The following PITRM1 variants were observed in gnomAD, a reference collection of about 807,000 sequenced individuals.
PITRM1 encodes presequence protease, mitochondrial.
Under a neutral mutation model 129.9 loss-of-function variants are expected in PITRM1, and 100 were observed. The ratio of observed to expected loss-of-function variants is 0.77; its 90% CI spans 0.65 to 0.91. PITRM1 has a LOEUF of 0.91. PITRM1 is among the 40% of genes least tolerant of loss of function. PITRM1 has a pLI of 0.00. For missense variants in PITRM1, 1,471 were observed against 1,318.3 expected (o/e 1.12, Z -1.79); for synonymous variants, 591 against 508.8 (o/e 1.16, Z -2.17).
At chr10:3,145,499 TG>T in intron 21 of PITRM1, 96 bp downstream of exon 21, 3 of 1,041,038 alleles carry the variant, frequency 2.9e-6, no homozygotes, top group East Asian at 2.6e-5. Context: ...CCCCACATGC[TG>T]GACTGCTCTG....
intron 21 of PITRM1, chr10:3,145,245 G>T: frequency 4.2e-6 from 1 of 239,392 alleles, no homozygotes; most frequent in Non-Finnish European, 8.1e-6. Flanking sequence ...TCAAATCCAT[G>T]GATTCATGAG....
At chr10:3,152,302 C>A (rs1384075925) in intron 14 of PITRM1, among the ~76,000 whole-genome samples, 2 of 152,108 alleles carry the variant, frequency 1.3e-5, no homozygotes, top group East Asian at 3.9e-4. Flanking sequence ...CTACACCGAG[C>A]CAAGCAAGTA....
rs1478650360 is a variant in PITRM1, at chr10:3,160,267, C to G, written c.855G>C (p.Leu285=). ...TTGGTTCAATTTTCTGGAATTTGCT[C>G]AGTGCTTCCTCGTGAATTTGTTTCA... ...QHLKQIHEEA[L]SKFQKIEPST... Residue 285 remains leucine, a synonymous_variant, in exon 8 of 27, where the codon CTG becomes CTC. Transcript: ENST00000224949. The G allele has an allele frequency of 1.9e-6, 3 of 1,613,738 alleles. No individual in the cohort carries two copies. The highest frequency in any genetic ancestry group is 1.1e-5 in the South Asian group (1 of 91,070).
chr10:3,157,901 T>A, intron 11 of PITRM1, 139 bp downstream of exon 11: 2 of 668,446 alleles, frequency 3.0e-6, no homozygotes, highest in Non-Finnish European at 2.7e-6. Context: ...AGAGATAATA[T>A]TTAAACAACT....
chr10:3,160,305 A>C lies in PITRM1; in HGVS notation c.817T>G (p.Leu273Val). 1 of 1,612,970 alleles carries C rather than the reference A, an allele frequency of 6.2e-7. No homozygotes were observed. The highest frequency in any genetic ancestry group is 1.3e-5 in the African/African-American group (1 of 75,004). ...TGAATTTGTTTCAGATGCTGTTCTA[A>C]TGGAAAATTACCGTACGTGAAGAAC... ...ARFFTYGNFP[L>V]EQHLKQIHEE... The change falls in exon 8 of 27, where the codon TTA becomes GTA. Residue 273 changes from leucine to valine, a missense_variant. Physicochemically the swap from Leu to Val is conservative, Grantham distance 32. Coordinates refer to ENST00000224949, the MANE Select transcript of PITRM1 (RefSeq NM_014889.4).
chr10:3,154,389 G>T (rs1351938608), intron 14 of PITRM1, among the ~76,000 whole-genome samples: 1 of 152,178 alleles, frequency 6.6e-6, no homozygotes, highest in Non-Finnish European at 1.5e-5. Context: ...CCGTTTCCTA[G>T]GTGGCCACAC....
intron 13 of PITRM1, among the ~76,000 whole-genome samples, chr10:3,156,463 C>T (rs892930852): frequency 6.6e-6 from 1 of 152,194 alleles, no homozygotes; most frequent in Non-Finnish European, 1.5e-5. Context: ...AGACAACAGT[C>T]TCTCCCACCA....
Position 3,155,709 on chromosome 10 carries a change from A to C in PITRM1, c.1503T>G (p.Thr501=). ...ACTTGTCATCTGGCCTCATCGATAA[A>C]GTCAGCTTATGCTGGTTATTCTGCA... The part of the protein sequence containing the change: ...QYFKNNQHKL[T]LSMRPDDKYH... Residue 501 remains threonine (T), a synonymous_variant, in exon 14 of 27, where the codon ACT becomes ACG. Coordinates refer to ENST00000224949, the MANE Select transcript of PITRM1 (RefSeq NM_014889.4). 1 of 1,613,918 alleles carries C rather than the reference A, an allele frequency of 6.2e-7. No homozygotes were observed. Among genetic ancestry groups the C allele is most frequent in the Non-Finnish European group, 8.5e-7 (1 of 1,179,878 alleles).
intron 7 of PITRM1, 27 bp from the exon 8 acceptor site, chr10:3,160,357 T>C (rs754707851): frequency 2.5e-6 from 4 of 1,570,212 alleles, no homozygotes; most frequent in South Asian, 1.1e-5. Flanking sequence ...ATATAATTAG[T>C]CTGTTTTAGT....
intron 23 of PITRM1, among the ~76,000 whole-genome samples, chr10:3,142,507 T>A (rs1360498722): frequency 6.6e-6 from 1 of 152,246 alleles, no homozygotes; most frequent in African/African-American, 2.4e-5. Flanking sequence ...CATATCTGTG[T>A]CATACACACC....
chr10:3,166,479 T>G, intron 3 of PITRM1, 99 bp from the exon 4 acceptor site: 1 of 550,392 alleles, frequency 1.8e-6, no homozygotes, highest in Non-Finnish European at 3.1e-6. Flanking sequence ...AAATCATCAT[T>G]CTGACACCAC....
chr10:3,170,247 A>C (rs1306767852), intron 1 of PITRM1, 41 bp from the exon 2 acceptor site: 1 of 1,440,880 alleles, frequency 6.9e-7, no homozygotes, highest in Non-Finnish European at 9.8e-7. Context: ...TTGCAGGAAA[A>C]GTATCTGGCT....
Position 3,171,146 on chromosome 10 carries a change from T to TAAAAAAA in PITRM1, c.57-941_57-940insTTTTTTT, listed in dbSNP as rs1588736135. Among the ~76,000 whole-genome samples, 127 of 36,262 alleles carry TAAAAAAA rather than the reference T, an allele frequency of 3.5e-3. 38 individuals carry two copies. The highest frequency in any genetic ancestry group is 5.9e-3 in the African/African-American group (65 of 10,928). 23.8% of individuals were successfully genotyped at this position (36,262 alleles called of 152,430 possible). Reference sequence around the variant, plus strand: ...GATAAAGTGCGGACTAATCGTTCAATTAAAAAAAAAAAAAAAAAAAAAAAA... The same window carrying TAAAAAAA: ...GATAAAGTGCGGACTAATCGTTCAATAAAAAAATAAAAAAAAAAAAAAAAAAAAAAAA... On this transcript the variant is annotated intron_variant, in intron 1 of 26. Transcript: ENST00000224949.
chr10:3,163,545 T>G, intron 7 of PITRM1, 180 bp downstream of exon 7: 1 of 531,484 alleles, frequency 1.9e-6, no homozygotes, highest in Non-Finnish European at 3.3e-6. Context: ...GGGCTATCAT[T>G]GTAAATGTCC....
chr10:3,137,949 AAGC>A lies in PITRM1; in HGVS notation c.*79_*81del. 5 of 811,294 alleles carry A rather than the reference AAGC, an allele frequency of 6.2e-6. No individual in the cohort carries two copies. The highest frequency in any genetic ancestry group is 1.7e-5 in the African/African-American group (1 of 58,386). 50.3% of individuals were successfully genotyped at this position (811,294 alleles called of 1,614,324 possible). ...CTCAATGACATAATATTCTTGGAAA[AAGC>A]AGTAGCATTTCTGACTTTTCATATT... is the stretch of plus-strand genomic sequence containing the variant. On this transcript the variant is annotated 3_prime_UTR_variant, in exon 27 of 27. Coordinates refer to ENST00000224949, the MANE Select transcript of PITRM1 (RefSeq NM_014889.4).
At chr10:3,172,318 TTAAG>T in intron 1 of PITRM1, 1 of 498,322 alleles carries the variant, frequency 2.0e-6, no homozygotes, top group Non-Finnish European at 3.9e-6. Flanking sequence ...CAGCGAGACT[TTAAG>T]TATGGGCTGT....
chr10:3,138,463 G>T (rs1447376768), intron 25 of PITRM1, 126 bp from the exon 26 acceptor site: 5 of 707,526 alleles, frequency 7.1e-6, no homozygotes, highest in Non-Finnish European at 1.2e-5. Context: ...TCAACCACAG[G>T]GATGTGTCTA....
At chr10:3,161,925 A>T (rs1021533431) in intron 7 of PITRM1, among the ~76,000 whole-genome samples, 1 of 151,862 alleles carries the variant, frequency 6.6e-6, no homozygotes, top group Non-Finnish European at 1.5e-5. Flanking sequence ...CTGTAATCCC[A>T]GCACTTTGGG....
intron 12 of PITRM1, 28 bp from the exon 13 acceptor site, chr10:3,157,092 T>C: frequency 1.3e-6 from 2 of 1,595,746 alleles, no homozygotes; most frequent in East Asian, 2.3e-5. Flanking sequence ...ACATCCACAA[T>C]GCAGCTGGTA....
Sources: gnomAD v4.1 joint callset for allele counts (sites outside exome capture counted in the v4.1 genomes callset) on GRCh38, gnomAD v4.1.1 for gene constraint, MANE v1.5 for transcripts, NCBI Gene and HGNC (gene_info 2026-07-23, HGNC 2026-07-21) for gene names.